MAST4: variants seen among roughly 807,000 people sequenced by gnomAD.
MAST4 encodes microtubule associated serine/threonine kinase family member 4.
A neutral mutation model predicts 162.7 loss-of-function variants in MAST4; 89 were observed. The observed-to-expected ratio is 0.55, with a 90% confidence interval of 0.46 to 0.65. The LOEUF (loss-of-function observed/expected upper bound fraction) is 0.65. Among genes scored for constraint, MAST4 ranks in the 30% least tolerant of loss-of-function variants. The pLI is 0.00. For synonymous variants in MAST4, 1,479 were observed against 1,361.1 expected (o/e 1.09, Z -1.91); for missense variants, 3,153 against 3,374.0 (o/e 0.93, Z 1.62).
chr5:66,906,545 A>G (rs1254707675), intron 4 of MAST4, among the ~76,000 whole-genome samples: 2 of 152,182 alleles, frequency 1.3e-5, no homozygotes, highest in East Asian at 1.9e-4. Flanking sequence ...CATCTTAAAC[A>G]CATCTACCAC....
At chr5:66,776,375 GAAGTAAGATATCAAATAT>G (rs1171446132) in intron 2 of MAST4, among the ~76,000 whole-genome samples, 2 of 152,180 alleles carry the variant, frequency 1.3e-5, no homozygotes, top group African/African-American at 4.8e-5. Context: ...ATTTCTCCAA[GAAGTAAGATATCAAATAT>G]AAGTTGTCCT....
At chr5:67,064,110 G>A (rs1759953499) in intron 5 of MAST4, among the ~76,000 whole-genome samples, 1 of 152,168 alleles carries the variant, frequency 6.6e-6, no homozygotes, top group Admixed American at 6.5e-5. Context: ...TTAATTCACT[G>A]ATGGTATTTA....
chr5:66,903,047 C>A (rs464243), intron 4 of MAST4, among the ~76,000 whole-genome samples: 4 of 151,950 alleles, frequency 2.6e-5, no homozygotes, highest in African/African-American at 9.7e-5. Context: ...TAAGCAAGTG[C>A]TAAAAGCAAA....
At chr5:66,651,335 T>C (rs1746204870) in intron 1 of MAST4, among the ~76,000 whole-genome samples, 1 of 152,170 alleles carries the variant, frequency 6.6e-6, no homozygotes, top group South Asian at 2.1e-4. Context: ...AGTGGATTGC[T>C]ACTTTATCGT....
At chr5:66,917,527 T>C (rs71626473) in intron 4 of MAST4, among the ~76,000 whole-genome samples, 5,710 of 151,990 alleles carry the variant, frequency 0.038, 213 homozygotes, top group African/African-American at 0.094. Context: ...ATTTTCTCAC[T>C]ATTTTTAAAA....
rs34946179 is a variant in MAST4, at chr5:66,692,411, C to CTT, written c.364-67285_364-67284dup. On this transcript the variant is annotated intron_variant, in intron 1 of 28. Transcript: ENST00000403625. ...TGATGAGTCTCTCCTCTCTTGCTCT[C>CTT]TTTTTTTTTTTTTTACTTTATTGTA... 7.1e-3 allele frequency among the ~76,000 whole-genome samples: 1,029 copies of CTT among 145,456 alleles called. 4 individuals carry two copies. The highest frequency in any genetic ancestry group is 9.7e-3 in the African/African-American group (384 of 39,524).
intron 3 of MAST4, among the ~76,000 whole-genome samples, chr5:66,895,995 T>C (rs75594502): frequency 0.029 from 4,447 of 152,292 alleles, 227 homozygotes; most frequent in African/African-American, 0.1. Flanking sequence ...TACATTGTTA[T>C]CATCTAAAGT....
chr5:67,095,552 A>G, intron 6 of MAST4, 45 bp from the exon 7 acceptor site: 3 of 1,462,078 alleles, frequency 2.1e-6, no homozygotes, highest in Non-Finnish European at 1.9e-6. Context: ...TTCCCATGTG[A>G]CAGTACGCCA....
In MAST4 at chr5:67,165,000, C is replaced by T; in HGVS notation, c.5821C>T (p.Leu1941=). 6.2e-7 allele frequency: 1 copy of T among 1,613,752 alleles called. No homozygotes were observed. The highest frequency in any genetic ancestry group is 8.5e-7 in the Non-Finnish European group (1 of 1,179,778). ...HTTDPKLLTC[L]GQNLHSPDLA... ...CACTGACCCCAAGCTTCTGACCTGC[C>T]TGGGGCAGAACCTCCACAGCCCTGA... Residue 1941 remains leucine (L), a synonymous_variant, in exon 29 of 29, where the codon CTG becomes TTG. Transcript: ENST00000403625. This position sits in a 1 kb window ranked among gnomAD's most constrained non-coding sequence, Gnocchi z 5.3.
Position 66,719,806 on chromosome 5 carries a change from C to T in MAST4, c.364-39903C>T, listed in dbSNP as rs538385773. Among the ~76,000 whole-genome samples the T allele has an allele frequency of 8.5e-5, 13 of 152,050 alleles. No individual in the cohort carries two copies. The South Asian group carries it at 1.9e-3, about 22-fold the overall frequency. On this transcript the variant is annotated intron_variant, in intron 1 of 28. Coordinates refer to ENST00000403625, the MANE Select transcript of MAST4 (RefSeq NM_001164664.2). ...GAAACAAAATGCAATTAAACCAGAC[C>T]TTTTTTTTCCTTAAAGTATTTGTGT...
intron 4 of MAST4, among the ~76,000 whole-genome samples, chr5:66,907,624 G>C (rs1295905308): frequency 3.3e-5 from 5 of 149,842 alleles, no homozygotes; most frequent in Non-Finnish European, 7.4e-5. Context: ...GTGTGTGTGT[G>C]TGTGTGTGTG....
chr5:66,926,562 C>A (rs145975141), intron 4 of MAST4, among the ~76,000 whole-genome samples: 5,901 of 127,054 alleles, frequency 0.046, 231 homozygotes, highest in South Asian at 0.12. Context: ...CTCTCTTTCT[C>A]TCTCTATATA....
intron 4 of MAST4, among the ~76,000 whole-genome samples, chr5:66,941,419 G>A (rs113989011): frequency 3.3e-5 from 5 of 152,022 alleles, no homozygotes; most frequent in South Asian, 2.1e-4. Flanking sequence ...TGGAGATGGC[G>A]TCTTTCCTTA....
At chr5:66,784,668 G>A (rs546607769) in intron 2 of MAST4, among the ~76,000 whole-genome samples, 1 of 152,058 alleles carries the variant, frequency 6.6e-6, no homozygotes, top group Non-Finnish European at 1.5e-5. Context: ...TTTTGTGTGT[G>A]TGTGACCCGG....
At chr5:67,110,248 G>A (rs776193649) in intron 11 of MAST4, 49 bp downstream of exon 11, 2 of 1,329,416 alleles carry the variant, frequency 1.5e-6, no homozygotes, top group South Asian at 2.4e-5. Flanking sequence ...AACTGGGAAA[G>A]CAGTTACCAT....
intron 3 of MAST4, among the ~76,000 whole-genome samples, chr5:66,854,081 T>A (rs1759502312): frequency 6.6e-6 from 1 of 152,166 alleles, no homozygotes; most frequent in Non-Finnish European, 1.5e-5. Flanking sequence ...AAAGATGGTG[T>A]CTCCTCATAT....
intron 4 of MAST4, among the ~76,000 whole-genome samples, chr5:67,011,761 T>G (rs1407453890): frequency 1.3e-5 from 2 of 152,222 alleles, no homozygotes; most frequent in Admixed American, 6.5e-5. Context: ...TCAAAAATGT[T>G]GCTTTTAGCT....
At chr5:66,725,162 A>G (rs1427977454) in intron 1 of MAST4, among the ~76,000 whole-genome samples, 2 of 152,020 alleles carry the variant, frequency 1.3e-5, no homozygotes, top group Admixed American at 1.3e-4. Context: ...GATACTGTAT[A>G]CTTTTTTAAA....
At chr5:67,123,821 A>G (rs1767861116) in intron 14 of MAST4, among the ~76,000 whole-genome samples, 6 of 152,178 alleles carry the variant, frequency 3.9e-5, no homozygotes. Flanking sequence ...ATCTTGATGC[A>G]CATGATTCTC....
Sources: allele counts gnomAD v4.1 joint callset (sites outside exome capture counted in the v4.1 genomes callset), GRCh38; gene constraint gnomAD v4.1.1; non-coding constraint Gnocchi (gnomAD v3.1); transcripts MANE v1.5; gene names NCBI Gene and HGNC (gene_info 2026-07-23, HGNC 2026-07-21).